GTF3C4: variants seen among roughly 807,000 people sequenced by gnomAD.
The protein encoded by GTF3C4 is general transcription factor 3C polypeptide 4.
GTF3C4 carries 28 observed loss-of-function variants against 67.5 expected under a neutral mutation model. The observed-to-expected ratio is 0.41, with a 90% CI of 0.31 to 0.57. The LOEUF (loss-of-function observed/expected upper bound fraction) is 0.57, where lower values mean the gene tolerates loss of function less well. Ranked by LOEUF, GTF3C4 falls within the 20% of genes least tolerant of loss-of-function variation. The pLI is 0.21. For missense variants in GTF3C4, 831 were observed against 1,033.2 expected (o/e 0.80, Z 2.68); for synonymous variants, 409 against 393.0 (o/e 1.04, Z -0.48).
At chr9:132,672,474 C>A (rs922495121) in intron 1 of GTF3C4, among the ~76,000 whole-genome samples, 4 of 151,944 alleles carry the variant, frequency 2.6e-5, no homozygotes, top group African/African-American at 9.7e-5. Context: ...GGCATTCATC[C>A]CATGTGCATA....
intron 1 of GTF3C4, among the ~76,000 whole-genome samples, chr9:132,672,758 A>G (rs1835803722): frequency 6.6e-6 from 1 of 152,182 alleles, no homozygotes; most frequent in Non-Finnish European, 1.5e-5. Flanking sequence ...AAGTGAAGAG[A>G]CTGGGCTTTG....
chr9:132,672,798 G>T (rs936254199), intron 1 of GTF3C4, among the ~76,000 whole-genome samples: 1 of 152,198 alleles, frequency 6.6e-6, no homozygotes, highest in South Asian at 2.1e-4. Context: ...ATAAAAGGGG[G>T]ATAATGAAGC....
In GTF3C4 at chr9:132,694,084, T is replaced by G. The variant is rs1415740397; in HGVS notation, c.*5139T>G. ...GCTTTTTCAATTCTTACCATCTGAT[T>G]AGGTGGAATGTTTTATAGACTTTTG... On this transcript the variant is annotated 3_prime_UTR_variant, in exon 5 of 5. Transcript: ENST00000372146. The G allele has an allele frequency of 6.6e-6, 1 of 152,158 alleles. No individual in the cohort carries two copies. The highest frequency in any genetic ancestry group is 6.5e-5 in the Admixed American group (1 of 15,274). 9.4% of individuals were successfully genotyped at this position (152,158 alleles called of 1,614,324 possible). A position where few individuals can be genotyped will look rare whatever the true frequency, so the allele number is the denominator to read the frequency against.
At chr9:132,681,646 G>A (rs886932468) in intron 2 of GTF3C4, among the ~76,000 whole-genome samples, 1 of 152,078 alleles carries the variant, frequency 6.6e-6, no homozygotes, top group African/African-American at 2.4e-5. Context: ...TTTATGTACT[G>A]TGTGTATATC....
rs1181591943 is a variant in GTF3C4 at position 132,694,660 on chromosome 9, T to C, written c.*5715T>C. ...GGGGTAATCATATTTTAGTTATTAC[T>C]TGTTAAAAGGGTAACAGAACCTCTG... On this transcript the variant is annotated 3_prime_UTR_variant, in exon 5 of 5. Transcript: ENST00000372146. 2 of 152,224 alleles carry C rather than the reference T, an allele frequency of 1.3e-5. No homozygotes were observed. Among genetic ancestry groups the C allele is most frequent in the Admixed American group, 6.5e-5 (1 of 15,282 alleles). The allele number at this position is 152,224 out of a possible 1,614,324, so 9.4% of individuals were successfully genotyped here. A position where few individuals can be genotyped will look rare whatever the true frequency, so the allele number is the denominator to read the frequency against.
chr9:132,685,654 CTACA>C lies in GTF3C4; in HGVS notation c.2316-1584_2316-1581del, dbSNP rs1836015666. On this transcript the variant is annotated intron_variant, in intron 3 of 4. Transcript: ENST00000372146. ...GGGCATGTACCACCATGCCTGGCTT[CTACA>C]CTTTTTCTAATTTGAGTGTTCAGAC... Among the ~76,000 whole-genome samples, 3 of 152,060 alleles carry C rather than the reference CTACA, an allele frequency of 2.0e-5. No homozygotes were observed. In the South Asian group the frequency reaches 6.2e-4, roughly 32 times the overall value.
intron 4 of GTF3C4, among the ~76,000 whole-genome samples, chr9:132,688,437 G>A (rs1256333035): frequency 2.0e-5 from 3 of 152,306 alleles, no homozygotes; most frequent in African/African-American, 7.2e-5. Context: ...CTGGAGTAGA[G>A]TTTTTCATAG....
chr9:132,670,065 G>C (rs762476038), upstream of GTF3C4: 3 of 1,562,538 alleles, frequency 1.9e-6, no homozygotes, highest in South Asian at 3.5e-5. Context: ...CCAGCTGTAC[G>C]GACTCGTCCC....
At chr9:132,680,801 C>T (rs1478226585) in intron 2 of GTF3C4, among the ~76,000 whole-genome samples, 1 of 152,194 alleles carries the variant, frequency 6.6e-6, no homozygotes, top group Non-Finnish European at 1.5e-5. Context: ...ATGTAACTGA[C>T]TTTACTTCTT....
At chr9:132,676,868 G>A (rs916791629) in intron 1 of GTF3C4, among the ~76,000 whole-genome samples, 1 of 152,116 alleles carries the variant, frequency 6.6e-6, no homozygotes, top group Admixed American at 6.5e-5. Context: ...TTAAAGAGCA[G>A]CCTCTTTGAA....
rs1266672730 is a variant in GTF3C4 at position 132,693,147 on chromosome 9, A to G, written c.*4202A>G. 2 of 152,252 alleles carry G rather than the reference A, an allele frequency of 1.3e-5. No individual in the cohort carries two copies. The highest frequency in any genetic ancestry group is 2.9e-5 in the Non-Finnish European group (2 of 68,040). 9.4% of individuals were successfully genotyped at this position (152,252 alleles called of 1,614,324 possible). On this transcript the variant is annotated 3_prime_UTR_variant, in exon 5 of 5. Coordinates refer to ENST00000372146, the MANE Select transcript of GTF3C4 (RefSeq NM_012204.4). ...AAATCATCGTCAGGACTTGTTAGCC[A>G]GTCCATGTCTCATTGATAGGATGTA...
chr9:132,675,278 G>T (rs770079754), intron 1 of GTF3C4, among the ~76,000 whole-genome samples: 19 of 152,262 alleles, frequency 1.2e-4, no homozygotes, highest in Non-Finnish European at 2.5e-4. Context: ...CAGATTTTCA[G>T]TTATTATGTT....
In GTF3C4 at chr9:132,682,531, TAA is replaced by T. The variant is rs66740441; in HGVS notation, c.2185-1020_2185-1019del. On this transcript the variant is annotated intron_variant, in intron 2 of 4. Coordinates refer to ENST00000372146, the MANE Select transcript of GTF3C4 (RefSeq NM_012204.4). Reference sequence around the variant, plus strand: ...CCAAATTACATATCCAGTGAAGTTTTAAAAAAAAAAAAAGAATTGGATTCAAG... The same window carrying T: ...CCAAATTACATATCCAGTGAAGTTTTAAAAAAAAAAAGAATTGGATTCAAG... Among the ~76,000 whole-genome samples the T allele has an allele frequency of 1.4e-4, 19 of 139,648 alleles. 1 individual carries two copies. Among genetic ancestry groups the T allele is most frequent in the East Asian group, 4.1e-4 (2 of 4,848 alleles). 91.6% of individuals were successfully genotyped at this position (139,648 alleles called of 152,430 possible). A position where few individuals can be genotyped will look rare whatever the true frequency, so the allele number is the denominator to read the frequency against.
chr9:132,674,156 CAGTT>C (rs755700485), intron 1 of GTF3C4, among the ~76,000 whole-genome samples: 4 of 152,180 alleles, frequency 2.6e-5, no homozygotes, highest in Admixed American at 6.5e-5. Flanking sequence ...AAATGCCTAA[CAGTT>C]AGTATTAAAA....
intron 3 of GTF3C4, among the ~76,000 whole-genome samples, chr9:132,685,937 C>G (rs1000751178): frequency 1.3e-5 from 2 of 152,162 alleles, no homozygotes; most frequent in African/African-American, 4.8e-5. Context: ...GGGGAAAACC[C>G]TGACGAATAT....
rs1459204243 is a variant in GTF3C4 at position 132,670,707 on chromosome 9, G to A, written c.109G>A (p.Ala37Thr). 2.0e-6 allele frequency: 3 copies of A among 1,525,128 alleles called. No homozygotes were observed. The highest frequency in any genetic ancestry group is 2.6e-6 in the Non-Finnish European group (3 of 1,143,142). The allele number at this position is 1,525,128 out of a possible 1,614,324, so 94.5% of individuals were successfully genotyped here. ...GGEAGGKEPA[A>T]DAAPGPSAAF... The stretch of plus-strand genomic sequence containing the variant: ...CGAGGCGGGCGGGAAGGAGCCAGCA[G>A]CGGACGCGGCCCCGGGGCCCAGCGC... The change falls in exon 1 of 5, where the codon GCG (alanine) becomes ACG (threonine). Residue 37 changes from alanine (A) to threonine (T), a missense_variant. Physicochemically the swap from Ala to Thr is moderately conservative, Grantham distance 58. Transcript: ENST00000372146.
rs1315665722 is a variant in GTF3C4 at position 132,691,234 on chromosome 9, A to G, written c.*2289A>G. 2.6e-5 allele frequency: 4 copies of G among 152,244 alleles called. No homozygotes were observed. The highest frequency in any genetic ancestry group is 9.7e-5 in the African/African-American group (4 of 41,442). 9.4% of individuals were successfully genotyped at this position (152,244 alleles called of 1,614,324 possible). The stretch of plus-strand genomic sequence containing the variant: ...TGGGGAAACAGGAGATTTTGAGTTA[A>G]TGGCAGCCTCACAAATAGTGCTTCT... On this transcript the variant is annotated 3_prime_UTR_variant, in exon 5 of 5. Transcript: ENST00000372146.
At chr9:132,681,374 G>A (rs1400073188) in intron 2 of GTF3C4, among the ~76,000 whole-genome samples, 14 of 152,136 alleles carry the variant, frequency 9.2e-5, no homozygotes, top group Admixed American at 9.2e-4. Context: ...ACCCGTCCCT[G>A]TTTATAGCAA....
At chr9:132,683,541 G>T in intron 2 of GTF3C4, 22 bp from the exon 3 acceptor site, 2 of 1,598,414 alleles carry the variant, frequency 1.3e-6, no homozygotes, top group South Asian at 1.2e-5. Context: ...ACTAAACTTT[G>T]CTGACTACTT....
Sources: allele counts gnomAD v4.1 joint callset (sites outside exome capture counted in the v4.1 genomes callset), GRCh38; gene constraint gnomAD v4.1.1; transcripts MANE v1.5; gene names NCBI Gene and HGNC (gene_info 2026-07-23, HGNC 2026-07-21).